The following FOXK2 variants were observed in gnomAD, a reference collection of about 807,000 sequenced individuals.
The protein encoded by FOXK2 is forkhead box K2, also known as forkhead box protein K2.
FOXK2 carries 24 observed loss-of-function variants against 53.3 expected under a neutral mutation model. That is an observed-to-expected ratio of 0.45 (90% CI 0.33 to 0.63). The LOEUF is 0.63. Among genes scored for constraint, FOXK2 ranks in the 30% least tolerant of loss-of-function variants. The pLI is 0.03. For synonymous variants in FOXK2, 505 were observed against 407.1 expected, an observed-to-expected ratio of 1.24 and a Z score of -2.89; for missense variants, 952 against 910.5, an observed-to-expected ratio of 1.05 and a Z score of -0.59.
intron 1 of FOXK2, among the ~76,000 whole-genome samples, chr17:82,520,926 T>A (rs1417768619): frequency 6.6e-6 from 1 of 152,216 alleles, no homozygotes; most frequent in East Asian, 1.9e-4. Flanking sequence ...TAGATGCTTT[T>A]CGCATAACTT....
intron 1 of FOXK2, among the ~76,000 whole-genome samples, chr17:82,533,701 C>T (rs1025783146): frequency 6.6e-6 from 1 of 152,098 alleles, no homozygotes; most frequent in African/African-American, 2.4e-5. Flanking sequence ...TCAGCTCCAT[C>T]ATAATCTTAA....
intron 8 of FOXK2, among the ~76,000 whole-genome samples, chr17:82,590,277 A>G (rs1006700605): frequency 1.3e-5 from 2 of 152,130 alleles, no homozygotes; most frequent in Non-Finnish European, 2.9e-5. Context: ...AACACCTAGG[A>G]TGAGAACCAC....
In FOXK2 at chr17:82,582,812, C is replaced by G; in HGVS notation, c.981C>G (p.Gly327=). Residue 327 remains glycine (G), a synonymous_variant, in exon 5 of 9, where the codon GGC becomes GGG. Coordinates refer to ENST00000335255, the MANE Select transcript of FOXK2 (RefSeq NM_004514.4). The stretch of plus-strand genomic sequence containing the variant: ...TGCCGCGTTCCCAGGAAGAACCAGG[C>G]AAAGGCTCGTTCTGGAGGATAGACC... ...IKVPRSQEEP[G]KGSFWRIDPA... is the part of the protein sequence containing the mutation. The G allele has an allele frequency of 6.2e-7, 1 of 1,612,004 alleles. No individual in the cohort carries two copies. The highest frequency in any genetic ancestry group is 8.5e-7 in the Non-Finnish European group (1 of 1,179,518).
At chr17:82,590,459 C>T (rs1050761980) in intron 8 of FOXK2, among the ~76,000 whole-genome samples, 6 of 152,158 alleles carry the variant, frequency 3.9e-5, no homozygotes, top group South Asian at 2.1e-4. Context: ...CTGGCCAGCA[C>T]GTCTTTTCAT....
At position 82,559,352 on chromosome 17, in the gene FOXK2, A is replaced by C. The variant is rs1181319604; in HGVS notation, c.420-4002A>C. On this transcript the variant is annotated intron_variant, in intron 1 of 8. Coordinates refer to ENST00000335255, the MANE Select transcript of FOXK2 (RefSeq NM_004514.4). ...CCGTGCGGACTCCACAGCTGCGCTC[A>C]GCTCAGAGCCAGCTTCGTGTGCAGA... 7 of 456,328 alleles carry C rather than the reference A, an allele frequency of 1.5e-5. No individual in the cohort carries two copies. The Middle Eastern group carries it at 1.6e-3, about 106-fold the overall frequency. The allele number at this position is 456,328 out of a possible 1,614,324, so 28.3% of individuals were successfully genotyped here.
chr17:82,542,214 T>C (rs1021519864), intron 1 of FOXK2, among the ~76,000 whole-genome samples: 5 of 150,212 alleles, frequency 3.3e-5, no homozygotes, highest in Admixed American at 1.3e-4. Context: ...CAGGCTGGAG[T>C]GCAATGGTGC....
At position 82,520,136 on chromosome 17, in the gene FOXK2, T is replaced by C; in HGVS notation, c.248T>C (p.Phe83Ser). 1 of 1,476,698 alleles carries C rather than the reference T, an allele frequency of 6.8e-7. No homozygotes were observed. 91.5% of individuals were successfully genotyped at this position (1,476,698 alleles called of 1,614,324 possible). A position where few individuals can be genotyped will look rare whatever the true frequency, so the allele number is the denominator to read the frequency against. The part of the protein sequence containing the change: ...SFISRRHLEI[F>S]TPPGGGGHGG... The stretch of plus-strand genomic sequence containing the variant: ...ATCTCCCGGCGCCACCTCGAGATCT[T>C]CACGCCCCCGGGCGGCGGCGGCCAT... Residue 83 changes from phenylalanine (F) to serine (S), a missense_variant, in exon 1 of 9, where the codon TTC becomes TCC. Phe to Ser is a radical substitution (Grantham distance 155, BLOSUM62 -2). Coordinates refer to ENST00000335255, the MANE Select transcript of FOXK2 (RefSeq NM_004514.4).
At chr17:82,598,314 C>T (rs2045340434) in intron 8 of FOXK2, among the ~76,000 whole-genome samples, 1 of 152,160 alleles carries the variant, frequency 6.6e-6, no homozygotes, top group Admixed American at 6.5e-5. Flanking sequence ...AGGCTGGTCT[C>T]AGCCTCCTGG....
chr17:82,556,631 A>G (rs2044728139), intron 1 of FOXK2, among the ~76,000 whole-genome samples: 1 of 152,238 alleles, frequency 6.6e-6, no homozygotes, highest in Admixed American at 6.5e-5. Flanking sequence ...GACGAACAGC[A>G]CATCCCCATG....
chr17:82,564,919 G>A (rs186345862), intron 2 of FOXK2, among the ~76,000 whole-genome samples: 1 of 151,874 alleles, frequency 6.6e-6, no homozygotes, highest in African/African-American at 2.4e-5. Context: ...TAGTAGAGAT[G>A]GGGTTTCTCC....
intron 3 of FOXK2, among the ~76,000 whole-genome samples, 154 bp downstream of exon 3, chr17:82,568,355 G>A (rs2044875564): frequency 6.6e-6 from 1 of 152,240 alleles, no homozygotes; most frequent in Non-Finnish European, 1.5e-5. Context: ...TTGCTGCTGT[G>A]TTCTTGGTAT....
chr17:82,575,290 A>G (rs2044969320), intron 4 of FOXK2, among the ~76,000 whole-genome samples: 1 of 152,160 alleles, frequency 6.6e-6, no homozygotes, highest in Non-Finnish European at 1.5e-5. Flanking sequence ...AAACTGGTTT[A>G]TACCGAAGTG....
intron 1 of FOXK2, among the ~76,000 whole-genome samples, chr17:82,548,968 A>G (rs1599890384): frequency 1.3e-5 from 2 of 152,190 alleles, no homozygotes; most frequent in Admixed American, 6.5e-5. Flanking sequence ...TGACCCTGCC[A>G]TCTGCACTAA....
chr17:82,541,065 G>A (rs1445831441), intron 1 of FOXK2, among the ~76,000 whole-genome samples: 2 of 152,036 alleles, frequency 1.3e-5, no homozygotes, highest in Non-Finnish European at 2.9e-5. Flanking sequence ...GAGGGTGTTT[G>A]AGACCAAGCA....
intron 8 of FOXK2, chr17:82,599,672 A>G (rs890179793): frequency 1.9e-4 from 29 of 152,196 alleles, no homozygotes; most frequent in African/African-American, 7.0e-4. Context: ...TGCCCCGGCT[A>G]TCTGGCCATG....
intron 8 of FOXK2, among the ~76,000 whole-genome samples, chr17:82,591,189 G>A (rs2045249970): frequency 6.6e-6 from 1 of 152,238 alleles, no homozygotes; most frequent in Middle Eastern, 3.4e-3. Context: ...CAGGCGCAGG[G>A]CATGAGCTGC....
intron 1 of FOXK2, among the ~76,000 whole-genome samples, chr17:82,526,009 T>TTTC (rs10658301): frequency 1.2e-3 from 52 of 42,952 alleles, no homozygotes; most frequent in African/African-American, 2.4e-3. Context: ...AATCCCTCAC[T>TTTC]TTATGTGGCA....
At chr17:82,601,102 G>A (rs11651812) in intron 8 of FOXK2, 172,091 of 545,710 alleles carry the variant, frequency 0.32, 29,447 homozygotes, top group South Asian at 0.38. Context: ...CCAGGCTCCT[G>A]TGCCCTTGGC....
At chr17:82,575,055 A>G (rs543823546) in intron 4 of FOXK2, among the ~76,000 whole-genome samples, 1 of 152,366 alleles carries the variant, frequency 6.6e-6, no homozygotes, top group South Asian at 2.1e-4. Flanking sequence ...CTATTAAACA[A>G]ATCAAAGGGA....
Sources: allele counts gnomAD v4.1 joint callset (sites outside exome capture counted in the v4.1 genomes callset), GRCh38; gene constraint gnomAD v4.1.1; transcripts MANE v1.5; gene names NCBI Gene and HGNC (gene_info 2026-07-23, HGNC 2026-07-21).